TBC1D8: variants seen among roughly 807,000 people sequenced by gnomAD.
TBC1D8 encodes BUB2-like protein 1.
TBC1D8 carries 65 observed loss-of-function variants against 118.8 expected under a neutral mutation model. The ratio of observed to expected loss-of-function variants is 0.55; its 90% CI spans 0.45 to 0.67. The LOEUF (loss-of-function observed/expected upper bound fraction) is 0.67. Among genes scored for constraint, TBC1D8 ranks in the 30% least tolerant of loss-of-function variants. The probability of loss-of-function intolerance (pLI) is 0.00; values close to 1 mark genes in which losing one functional copy is unlikely to be tolerated. For synonymous variants in TBC1D8, 566 were observed against 595.8 expected (o/e 0.95, Z 0.73); for missense variants, 1,376 against 1,471.2 (o/e 0.94, Z 1.06).
At chr2:101,142,180 G>A (rs1326568072) in intron 1 of TBC1D8, among the ~76,000 whole-genome samples, 1 of 152,108 alleles carries the variant, frequency 6.6e-6, no homozygotes. Flanking sequence ...GGGATTATAG[G>A]CATGCACCAC....
chr2:101,138,378 C>T (rs913887185), intron 1 of TBC1D8, among the ~76,000 whole-genome samples: 17 of 152,294 alleles, frequency 1.1e-4, no homozygotes, highest in African/African-American at 4.1e-4. Flanking sequence ...CCAACCAATT[C>T]TCCAACTCTC....
chr2:101,079,255 C>G (rs1675084927), intron 2 of TBC1D8, among the ~76,000 whole-genome samples: 1 of 152,246 alleles, frequency 6.6e-6, no homozygotes, highest in African/African-American at 2.4e-5. Context: ...CTAAGGTCCT[C>G]TCCAGACGGT....
chr2:101,021,093 C>CACCAGA (rs1306907290), intron 17 of TBC1D8, among the ~76,000 whole-genome samples: 1 of 152,172 alleles, frequency 6.6e-6, no homozygotes, highest in Non-Finnish European at 1.5e-5. Context: ...CACCATCCAA[C>CACCAGA]ACCAGAACCA....
At chr2:101,090,424 CGT>C (rs1675959535) in intron 1 of TBC1D8, 60 bp from the exon 2 acceptor site, 19 of 1,585,760 alleles carry the variant, frequency 1.2e-5, no homozygotes, top group Non-Finnish European at 1.6e-5. Flanking sequence ...GCTCCTCATG[CGT>C]GTGAGGCATG....
At chr2:101,086,624 C>T (rs1189622701) in intron 2 of TBC1D8, among the ~76,000 whole-genome samples, 1 of 151,364 alleles carries the variant, frequency 6.6e-6, no homozygotes, top group Non-Finnish European at 1.5e-5. Context: ...CTATCAAATA[C>T]AGGAAGGCCC....
intron 2 of TBC1D8, among the ~76,000 whole-genome samples, chr2:101,062,472 A>G (rs1682808096): frequency 6.6e-6 from 1 of 152,214 alleles, no homozygotes. Flanking sequence ...TTGTGGTGCT[A>G]GTCTGTTCCA....
chr2:101,011,611 T>C, intron 17 of TBC1D8, 71 bp from the exon 18 acceptor site: 1 of 1,530,666 alleles, frequency 6.5e-7, no homozygotes, highest in Non-Finnish European at 9.0e-7. Flanking sequence ...AATGTAGCTT[T>C]CTAGGCAACT....
intron 17 of TBC1D8, chr2:101,018,034 C>G: frequency 8.7e-7 from 1 of 1,149,664 alleles, no homozygotes; most frequent in Non-Finnish European, 1.2e-6. Flanking sequence ...TACATATCAA[C>G]CCCTTTTTCA....
chr2:101,148,917 C>G (rs1436929763), intron 1 of TBC1D8, among the ~76,000 whole-genome samples: 1 of 152,206 alleles, frequency 6.6e-6, no homozygotes, highest in Non-Finnish European at 1.5e-5. Context: ...CACCACAGAG[C>G]TGCCCTGTGT....
intron 1 of TBC1D8, among the ~76,000 whole-genome samples, chr2:101,121,441 C>T (rs919451572): frequency 3.3e-5 from 5 of 152,228 alleles, no homozygotes; most frequent in African/African-American, 1.2e-4. Flanking sequence ...CAAGGTCACA[C>T]AGCAAAGAGT....
chr2:101,032,696 CACAT>C, intron 10 of TBC1D8: 1 of 290,430 alleles, frequency 3.4e-6, no homozygotes, highest in Admixed American at 4.6e-5. Context: ...AGCAGACACA[CACAT>C]GCACACACGT....
In TBC1D8 at chr2:101,071,452, T is replaced by C. The variant is rs532132777; in HGVS notation, c.284-11913A>G. Among the ~76,000 whole-genome samples, 3 of 152,380 alleles carry C rather than the reference T, an allele frequency of 2.0e-5. No homozygotes were observed. The South Asian group carries it at 6.2e-4, about 32-fold the overall frequency. ...GGGGAGGCTAGAAATGTGATCATTC[T>C]TTAGTTAATTGTTATTGACTGGTAG... On this transcript the variant is annotated intron_variant, in intron 2 of 19. Coordinates refer to ENST00000409318, the MANE Select transcript of TBC1D8 (RefSeq NM_001330348.2).
At position 101,068,313 on chromosome 2, in the gene TBC1D8, G is replaced by A. The variant is rs144595026; in HGVS notation, c.284-8774C>T. The A allele has an allele frequency of 5.2e-3, 1,043 of 199,608 alleles. 14 individuals are homozygous for A. The highest frequency in any genetic ancestry group is 0.018 in the Middle Eastern group (9 of 498). The allele number at this position is 199,608 out of a possible 1,614,324, so 12.4% of individuals were successfully genotyped here. On this transcript the variant is annotated intron_variant, in intron 2 of 19. Transcript: ENST00000409318. ...GCAGCAGCTGAGACACCTGCGAAGG[G>A]ATGCATCTTTTCTTCTGTAGGCTTG... is the stretch of plus-strand genomic sequence containing the variant.
chr2:101,018,452 C>G (rs1246319955), intron 17 of TBC1D8: 3 of 156,920 alleles, frequency 1.9e-5, no homozygotes, highest in African/African-American at 7.2e-5. Context: ...CTTGACAGAA[C>G]TCATCCTTTA....
At chr2:101,130,840 C>T (rs537653991) in intron 1 of TBC1D8, among the ~76,000 whole-genome samples, 61 of 152,266 alleles carry the variant, frequency 4.0e-4, no homozygotes, top group African/African-American at 1.3e-3. Flanking sequence ...CCTTCTTTTC[C>T]AAGGTCTTCA....
At chr2:101,056,864 T>A (rs1164404188) in intron 3 of TBC1D8, among the ~76,000 whole-genome samples, 2 of 152,138 alleles carry the variant, frequency 1.3e-5, no homozygotes, top group East Asian at 1.9e-4. Context: ...AGGGATTTTT[T>A]AAAAGTTTTG....
intron 5 of TBC1D8, among the ~76,000 whole-genome samples, chr2:101,041,319 A>G (rs940517308): frequency 2.2e-4 from 33 of 152,250 alleles, no homozygotes; most frequent in Admixed American, 7.8e-4. Flanking sequence ...AACAAAATGT[A>G]GTGTATCCAT....
chr2:101,088,220 G>C (rs900834690), intron 2 of TBC1D8, among the ~76,000 whole-genome samples: 2 of 152,078 alleles, frequency 1.3e-5, no homozygotes, highest in African/African-American at 4.8e-5. Flanking sequence ...TTGGGTGGCT[G>C]GGATTTGGGG....
chr2:101,044,708 A>G (rs1450095138), intron 5 of TBC1D8, among the ~76,000 whole-genome samples: 1 of 152,170 alleles, frequency 6.6e-6, no homozygotes, highest in Non-Finnish European at 1.5e-5. Context: ...ACTCTAAGAG[A>G]GAGCTACAGC....
Sources: gnomAD v4.1 joint callset for allele counts (sites outside exome capture counted in the v4.1 genomes callset) on GRCh38, gnomAD v4.1.1 for gene constraint, MANE v1.5 for transcripts, NCBI Gene and HGNC (gene_info 2026-07-23, HGNC 2026-07-21) for gene names.